Variants in PTPN22 observed in about 807,000 individuals in gnomAD.
PTPN22 encodes the protein protein tyrosine phosphatase non-receptor type 22.
Under a neutral mutation model 103.3 loss-of-function variants are expected in PTPN22, and 85 were observed. That is an observed-to-expected ratio of 0.82 (90% CI 0.69 to 0.99). The LOEUF (loss-of-function observed/expected upper bound fraction) is 0.99. PTPN22 is among the 50% of genes least tolerant of loss of function. The pLI, the probability that PTPN22 is intolerant of heterozygous loss-of-function variation, is 0.00. For missense variants in PTPN22, 865 were observed against 936.9 expected (o/e 0.92, Z 1.00); for synonymous variants, 323 against 310.2 (o/e 1.04, Z -0.43).
At chr1:113,866,797 G>A (rs939579150) in intron 1 of PTPN22, among the ~76,000 whole-genome samples, 54 of 152,172 alleles carry the variant, frequency 3.5e-4, no homozygotes, top group African/African-American at 1.3e-3. Context: ...TCCCTGGCTG[G>A]TGTGCAGTGG....
chr1:113,849,066 C>T (rs566282159), intron 10 of PTPN22, among the ~76,000 whole-genome samples: 2 of 152,202 alleles, frequency 1.3e-5, no homozygotes, highest in East Asian at 3.9e-4. Context: ...ACTTCAATGT[C>T]TATGCTTTAA....
intron 1 of PTPN22, among the ~76,000 whole-genome samples, chr1:113,861,675 G>A (rs1313682766): frequency 3.9e-5 from 6 of 151,990 alleles, no homozygotes; most frequent in South Asian, 2.1e-4. Flanking sequence ...CACCGCGCCC[G>A]GCAGGCTTCA....
At chr1:113,826,356 AAGAG>A (rs1376035733) in intron 18 of PTPN22, among the ~76,000 whole-genome samples, 2 of 149,382 alleles carry the variant, frequency 1.3e-5, no homozygotes, top group Admixed American at 6.7e-5. Flanking sequence ...AAAAGAAAGA[AAGAG>A]AAAGAGAGAG....
At chr1:113,819,795 C>G (rs1394304503) in intron 19 of PTPN22, 141 bp from the exon 20 acceptor site, 3 of 479,142 alleles carry the variant, frequency 6.3e-6, no homozygotes, top group Non-Finnish European at 1.0e-5. Flanking sequence ...AATGTAGGTG[C>G]TTACAAATGG....
chr1:113,816,697 T>C (rs1285510954), intron 20 of PTPN22, among the ~76,000 whole-genome samples: 2 of 151,674 alleles, frequency 1.3e-5, no homozygotes, highest in African/African-American at 4.8e-5. Context: ...TCACCTGAGG[T>C]CAGGAGTTCA....
intron 19 of PTPN22, among the ~76,000 whole-genome samples, chr1:113,820,964 T>C (rs1661544267): frequency 6.6e-6 from 1 of 150,828 alleles, no homozygotes; most frequent in African/African-American, 2.4e-5. Context: ...ACTATATTAC[T>C]ATAGTAAGTA....
chr1:113,835,048 A>G (rs1662864788), intron 13 of PTPN22, 55 bp from the exon 14 acceptor site: 2 of 1,008,802 alleles, frequency 2.0e-6, no homozygotes, highest in Non-Finnish European at 2.8e-6. Flanking sequence ...AATCCAAAGG[A>G]AATTCTTATA....
Position 113,825,186 on chromosome 1 carries a change from G to A in PTPN22, c.2251-14C>T. 2 of 1,446,968 alleles carry A rather than the reference G, an allele frequency of 1.4e-6. No individual in the cohort carries two copies. The highest frequency in any genetic ancestry group is 1.9e-6 in the Non-Finnish European group (2 of 1,056,726). 89.6% of individuals were successfully genotyped at this position (1,446,968 alleles called of 1,614,324 possible). On this transcript the variant is annotated splice_polypyrimidine_tract_variant and intron_variant, in intron 18 of 20. Coordinates refer to ENST00000359785, the Ensembl canonical transcript of PTPN22. ...AATTTTCAAACTCTACAAAAGAAAG[G>A]AAAAATGTTAGTTTTTTTTCCTGTG...
In PTPN22 at chr1:113,848,642, A is replaced by G. The variant is rs764452444; in HGVS notation, c.829-16T>C. 1.3e-6 allele frequency: 2 copies of G among 1,596,266 alleles called. No individual in the cohort carries two copies. Among genetic ancestry groups the G allele is most frequent in the East Asian group, 4.5e-5 (2 of 44,786 alleles). ...CATATTGTTCCTGAAGAGCATCACA[A>G]CCCAGAACAAATGAAAACAAAAACA... On this transcript the variant is annotated splice_polypyrimidine_tract_variant and intron_variant, in intron 10 of 20. Coordinates refer to ENST00000359785, the Ensembl canonical transcript of PTPN22.
rs58516952 is a variant in PTPN22 at position 113,855,503 on chromosome 1, CAAAAAAAA to C, written c.541-462_541-455del. Among the ~76,000 whole-genome samples, 3 of 84,444 alleles carry C rather than the reference CAAAAAAAA, an allele frequency of 3.6e-5. No individual in the cohort carries two copies. In the Admixed American group the frequency reaches 4.5e-4, roughly 13 times the overall value. The allele number at this position is 84,444 out of a possible 152,430, so 55.4% of individuals were successfully genotyped here. A position where few individuals can be genotyped will look rare whatever the true frequency, so the allele number is the denominator to read the frequency against. On this transcript the variant is annotated intron_variant, in intron 7 of 20. Transcript: ENST00000359785. ...TGGGTGACAGAGCGAGACTCTGTCT[CAAAAAAAA>C]AAAAAAAAAAAAAAAAGTTGAAATT...
chr1:113,834,806 C>T (rs1662839423), intron 14 of PTPN22, 104 bp downstream of exon 14: 1 of 961,814 alleles, frequency 1.0e-6, no homozygotes, highest in Non-Finnish European at 1.6e-6. Flanking sequence ...ATGAACTCCT[C>T]AAACTCAAGG....
At chr1:113,825,519 A>G (rs922543896) in intron 18 of PTPN22, among the ~76,000 whole-genome samples, 1 of 152,072 alleles carries the variant, frequency 6.6e-6, no homozygotes, top group Admixed American at 6.5e-5. Context: ...GCAACATAGC[A>G]AGACCCCTGT....
chr1:113,834,886 T>TTA, intron 14 of PTPN22, 24 bp downstream of exon 14: 1 of 1,503,440 alleles, frequency 6.7e-7, no homozygotes, highest in Admixed American at 2.1e-5. Flanking sequence ...ACACTTTATT[T>TTA]TATACTTACT....
intron 1 of PTPN22, among the ~76,000 whole-genome samples, chr1:113,867,085 G>A (rs1666183568): frequency 6.6e-6 from 1 of 152,160 alleles, no homozygotes; most frequent in Admixed American, 6.6e-5. Flanking sequence ...TAGAATGTTG[G>A]TATTATGGTG....
intron 13 of PTPN22, among the ~76,000 whole-genome samples, chr1:113,837,372 C>T (rs944018338): frequency 6.6e-6 from 1 of 151,390 alleles, no homozygotes; most frequent in South Asian, 2.1e-4. Flanking sequence ...ATTGCTTGAA[C>T]TCTGGAGGCG....
chr1:113,854,840 A>G, intron 8 of PTPN22, 67 bp downstream of exon 8: 2 of 1,507,482 alleles, frequency 1.3e-6, no homozygotes, highest in East Asian at 4.5e-5. Flanking sequence ...CCTTTCAATT[A>G]CACAGTCCTG....
At chr1:113,829,661 G>T in exon 18 of PTPN22, 1 of 1,608,636 alleles carries the variant, frequency 6.2e-7, no homozygotes. Context: ...TTTCCATGGT[G>T]TCAGGATAGC....
intron 11 of PTPN22, among the ~76,000 whole-genome samples, chr1:113,839,930 G>C (rs1208484611): frequency 6.6e-6 from 1 of 151,730 alleles, no homozygotes; most frequent in African/African-American, 2.4e-5. Flanking sequence ...TGGAAAAAAA[G>C]GCTGCGCACA....
At chr1:113,868,351 A>T (rs1325166586) in intron 1 of PTPN22, among the ~76,000 whole-genome samples, 1 of 152,206 alleles carries the variant, frequency 6.6e-6, no homozygotes, top group East Asian at 1.9e-4. Flanking sequence ...TGTGTCACAG[A>T]ATGAGTCCTC....
Sources: allele counts gnomAD v4.1 joint callset (sites outside exome capture counted in the v4.1 genomes callset), GRCh38; gene constraint gnomAD v4.1.1; transcripts MANE v1.5; gene names NCBI Gene and HGNC (gene_info 2026-07-23, HGNC 2026-07-21).